PREX1: variants seen among roughly 807,000 people sequenced by gnomAD.
PREX1 encodes phosphatidylinositol 3,4,5-trisphosphate-dependent Rac exchanger 1 protein.
A neutral mutation model predicts 198.3 loss-of-function variants in PREX1; 41 were observed. That is an observed-to-expected ratio of 0.21 (90% CI 0.16 to 0.27). PREX1 has a LOEUF of 0.27. PREX1 is among the 10% of genes least tolerant of loss of function. The pLI, the probability that PREX1 is intolerant of heterozygous loss-of-function variation, is 1.00. For missense variants in PREX1, 1,620 were observed against 2,200.7 expected, an observed-to-expected ratio of 0.74 and a Z score of 5.28; for synonymous variants, 843 against 887.2, an observed-to-expected ratio of 0.95 and a Z score of 0.89.
At chr20:48,888,144 G>C in the PREX1 span, among the ~76,000 whole-genome samples, 2 of 152,100 alleles carry the variant, frequency 1.3e-5, no homozygotes, top group Non-Finnish European at 2.9e-5. Flanking sequence ...TGTGCAGGGC[G>C]AAAAGCACTT....
At chr20:48,656,772 C>T (rs1239151068) in intron 18 of PREX1, among the ~76,000 whole-genome samples, 2 of 152,208 alleles carry the variant, frequency 1.3e-5, no homozygotes, top group Non-Finnish European at 2.9e-5. Flanking sequence ...TGTCTCCTGC[C>T]TCCTCCCCCA....
chr20:48,735,205 C>T (rs1786395225), intron 3 of PREX1, among the ~76,000 whole-genome samples: 1 of 152,168 alleles, frequency 6.6e-6, no homozygotes, highest in African/African-American at 2.4e-5. Context: ...CTCAACTGAG[C>T]ATTCTTGGTT....
chr20:48,884,280 A>C, the PREX1 span, among the ~76,000 whole-genome samples: 1 of 152,268 alleles, frequency 6.6e-6, no homozygotes, highest in African/African-American at 2.4e-5. Flanking sequence ...CCTGATTTTA[A>C]AACTTACTAT....
chr20:48,867,606 G>T, the PREX1 span, among the ~76,000 whole-genome samples: 2 of 152,126 alleles, frequency 1.3e-5, no homozygotes, highest in Non-Finnish European at 2.9e-5. Flanking sequence ...AGCTGGGTGT[G>T]GTGGCATGCA....
chr20:48,633,694 G>A (rs1457837330), intron 33 of PREX1, among the ~76,000 whole-genome samples: 8 of 152,102 alleles, frequency 5.3e-5, no homozygotes, highest in Non-Finnish European at 1.2e-4. Context: ...CCTGCTTTCA[G>A]AAGCAAGCCC....
chr20:48,639,621 G>C, intron 30 of PREX1, 145 bp downstream of exon 30: 1 of 1,266,810 alleles, frequency 7.9e-7, no homozygotes, highest in Admixed American at 2.5e-5. Flanking sequence ...ACACTCAGCT[G>C]AGAGAGGGCA....
chr20:48,701,581 T>C (rs528996847), intron 6 of PREX1, among the ~76,000 whole-genome samples: 1 of 152,236 alleles, frequency 6.6e-6, no homozygotes, highest in South Asian at 2.1e-4. Flanking sequence ...ATGTCTTGAC[T>C]TGTTACTATA....
intron 5 of PREX1, among the ~76,000 whole-genome samples, chr20:48,722,873 G>A (rs2089992287): frequency 6.6e-6 from 1 of 152,222 alleles, no homozygotes; most frequent in Non-Finnish European, 1.5e-5. Context: ...TCTCAGCTGT[G>A]GACAGTGAGC....
At chr20:48,632,858 G>GA (rs2089326573) in intron 33 of PREX1, among the ~76,000 whole-genome samples, 1 of 152,122 alleles carries the variant, frequency 6.6e-6, no homozygotes, top group African/African-American at 2.4e-5. Context: ...CTCACTCTCC[G>GA]AAGAACTGCA....
chr20:48,776,368 G>C (rs1440599820), intron 1 of PREX1, among the ~76,000 whole-genome samples: 1 of 152,200 alleles, frequency 6.6e-6, no homozygotes, highest in African/African-American at 2.4e-5. Flanking sequence ...GCCGAGACAG[G>C]CGCTCTGAGA....
At chr20:48,713,155 A>G (rs566055570) in intron 5 of PREX1, among the ~76,000 whole-genome samples, 2 of 149,422 alleles carry the variant, frequency 1.3e-5, no homozygotes, top group East Asian at 4.0e-4. Context: ...AAAAGAAAAA[A>G]GAAGAAATAA....
At chr20:48,853,995 T>C in the PREX1 span, among the ~76,000 whole-genome samples, 1 of 152,190 alleles carries the variant, frequency 6.6e-6, no homozygotes, top group Non-Finnish European at 1.5e-5. Flanking sequence ...TGCACACCTC[T>C]CAGGACGTCA....
At chr20:48,854,657 C>T in the PREX1 span, among the ~76,000 whole-genome samples, 2 of 152,190 alleles carry the variant, frequency 1.3e-5, no homozygotes, top group Non-Finnish European at 2.9e-5. Context: ...ATTGAATCTC[C>T]ATTGATACTG....
intron 15 of PREX1, among the ~76,000 whole-genome samples, chr20:48,661,552 T>C (rs1306182161): frequency 1.5e-5 from 2 of 136,982 alleles, no homozygotes; most frequent in African/African-American, 5.6e-5. Flanking sequence ...TGTATATATA[T>C]ATATACACAC....
intron 1 of PREX1, among the ~76,000 whole-genome samples, chr20:48,806,567 A>C (rs995119567): frequency 5.3e-5 from 8 of 152,362 alleles, no homozygotes; most frequent in African/African-American, 1.4e-4. Context: ...TGATCCTAGA[A>C]GGAAGGGATT....
rs77608454 is a variant in PREX1, at chr20:48,723,327, G to A, written c.621+2963C>T. ...TTGAGCTCAGCTGCTTCAAGTTCATGGGATCATCTTTGAAAATCCACTGGA... is the reference window on the plus strand; with the variant it reads ...TTGAGCTCAGCTGCTTCAAGTTCATAGGATCATCTTTGAAAATCCACTGGA... On this transcript the variant is annotated intron_variant, in intron 5 of 39. Coordinates refer to ENST00000371941, the MANE Select transcript of PREX1 (RefSeq NM_020820.4). Among the ~76,000 whole-genome samples the A allele has an allele frequency of 1.9e-3, 284 of 152,322 alleles. 10 individuals carry two copies. Among genetic ancestry groups the A allele is most frequent in the East Asian group, 0.012 (62 of 5,170 alleles).
the PREX1 span, among the ~76,000 whole-genome samples, chr20:48,851,178 C>G: frequency 6.6e-6 from 1 of 152,178 alleles, no homozygotes; most frequent in Non-Finnish European, 1.5e-5. Flanking sequence ...CCTATCTGGC[C>G]TTTTACAGGA....
At chr20:48,776,637 T>C (rs533155803) in intron 1 of PREX1, among the ~76,000 whole-genome samples, 37 of 152,290 alleles carry the variant, frequency 2.4e-4, no homozygotes, top group African/African-American at 8.9e-4. Flanking sequence ...AGGCCTCTAC[T>C]TTGCTCTCTG....
chr20:48,679,913 C>A (rs1453415846), intron 11 of PREX1, among the ~76,000 whole-genome samples, 159 bp from the exon 12 acceptor site: 1 of 152,014 alleles, frequency 6.6e-6, no homozygotes, highest in Non-Finnish European at 1.5e-5. Flanking sequence ...TTTTTTTTCA[C>A]TGAAACCCCA....
Sources: gnomAD v4.1 joint callset for allele counts (sites outside exome capture counted in the v4.1 genomes callset) on GRCh38, gnomAD v4.1.1 for gene constraint, MANE v1.5 for transcripts, NCBI Gene and HGNC (gene_info 2026-07-23, HGNC 2026-07-21) for gene names.